The following MKLN1 variants were observed in gnomAD, a reference collection of about 807,000 sequenced individuals.
The protein encoded by MKLN1 is muskelin.
A neutral mutation model predicts 99.0 loss-of-function variants in MKLN1; 18 were observed. The ratio of observed to expected loss-of-function variants is 0.18; its 90% CI spans 0.13 to 0.27. The LOEUF is 0.27. MKLN1 is among the 10% of genes least tolerant of loss of function. The pLI, the probability that MKLN1 is intolerant of heterozygous loss-of-function variation, is 1.00. For missense variants in MKLN1, 621 were observed against 875.9 expected, an observed-to-expected ratio of 0.71 and a Z score of 3.67; for synonymous variants, 288 against 293.2, an observed-to-expected ratio of 0.98 and a Z score of 0.18.
intron 6 of MKLN1, among the ~76,000 whole-genome samples, chr7:131,401,248 T>A (rs1282833959): frequency 2.6e-5 from 4 of 152,188 alleles, no homozygotes; most frequent in Non-Finnish European, 5.9e-5. Context: ...GCTCTATTTA[T>A]TTCTGTAATA....
At position 131,466,267 on chromosome 7, in the gene MKLN1, T is replaced by G; in HGVS notation, c.1789-9T>G. On this transcript the variant is annotated splice_polypyrimidine_tract_variant and intron_variant, in intron 14 of 17. Coordinates refer to ENST00000352689, the MANE Select transcript of MKLN1 (RefSeq NM_013255.5). ...TTTTTAAAAATCTGGCTTATTTTGC[T>G]TATTATAGGTTCATTACTTATTTGG... The G allele has an allele frequency of 6.4e-7, 1 of 1,567,664 alleles. No homozygotes were observed. Among genetic ancestry groups the G allele is most frequent in the Non-Finnish European group, 8.7e-7 (1 of 1,153,302 alleles).
intron 3 of MKLN1, among the ~76,000 whole-genome samples, chr7:131,321,838 G>T (rs973058413): frequency 6.6e-6 from 1 of 152,168 alleles, no homozygotes; most frequent in Non-Finnish European, 1.5e-5. Context: ...ACAGCTCAAA[G>T]AAAGGGAAGT....
At position 131,393,772 on chromosome 7, in the gene MKLN1, A is replaced by G. The variant is rs546231526; in HGVS notation, c.401-3495A>G. ...CCCAAGTAGCCAGGACTACAGGCAC[A>G]TACTATCATGCCCAGCTGATTTTTA... On this transcript the variant is annotated intron_variant, in intron 4 of 17. Coordinates refer to ENST00000352689, the MANE Select transcript of MKLN1 (RefSeq NM_013255.5). Among the ~76,000 whole-genome samples, 296 of 152,132 alleles carry G rather than the reference A, an allele frequency of 1.9e-3. 2 individuals carry two copies. The highest frequency in any genetic ancestry group is 3.5e-3 in the Non-Finnish European group (238 of 67,976).
intron 17 of MKLN1, among the ~76,000 whole-genome samples, chr7:131,486,547 G>T (rs1211365822): frequency 6.6e-6 from 1 of 152,040 alleles, no homozygotes; most frequent in Non-Finnish European, 1.5e-5. Flanking sequence ...ACTAAAACAG[G>T]TTGGACCTAA....
At chr7:131,213,786 G>C (rs1796940893) in intron 3 of MKLN1, among the ~76,000 whole-genome samples, 1 of 152,036 alleles carries the variant, frequency 6.6e-6, no homozygotes, top group Non-Finnish European at 1.5e-5. Flanking sequence ...CCAATTTATA[G>C]GTATGAAATA....
chr7:131,379,840 T>G (rs1793787731), intron 2 of MKLN1, among the ~76,000 whole-genome samples: 1 of 152,228 alleles, frequency 6.6e-6, no homozygotes, highest in Non-Finnish European at 1.5e-5. Context: ...ACACCTACTG[T>G]GTGCCCACAA....
intron 1 of MKLN1, among the ~76,000 whole-genome samples, chr7:131,115,841 C>T (rs1319394520): frequency 6.6e-6 from 1 of 152,208 alleles, no homozygotes; most frequent in Non-Finnish European, 1.5e-5. Context: ...GAAGCCCTCC[C>T]TGACCACGCC....
chr7:131,207,825 A>T (rs1796842184), intron 3 of MKLN1, among the ~76,000 whole-genome samples: 1 of 152,258 alleles, frequency 6.6e-6, no homozygotes, highest in Non-Finnish European at 1.5e-5. Context: ...CCTGGAGAAC[A>T]GCCTGATGAA....
chr7:131,346,930 T>G (rs890492297), intron 1 of MKLN1, among the ~76,000 whole-genome samples: 1 of 152,210 alleles, frequency 6.6e-6, no homozygotes, highest in Non-Finnish European at 1.5e-5. Context: ...AGGAAAATAT[T>G]AATGAAAAAT....
In MKLN1 at chr7:131,491,031, G is replaced by T. The variant is rs2116724783; in HGVS notation, c.*3303G>T. 6.6e-6 allele frequency: 1 copy of T among 152,188 alleles called. No individual in the cohort carries two copies. Among genetic ancestry groups the T allele is most frequent in the South Asian group, 2.1e-4 (1 of 4,822 alleles). The allele number at this position is 152,188 out of a possible 1,614,324, so 9.4% of individuals were successfully genotyped here. ...CTCAATTTCATGGTAATTACATGAAGAAGTTACCTGCAATTATTCTTAACA... is the reference window on the plus strand; with the variant it reads ...CTCAATTTCATGGTAATTACATGAATAAGTTACCTGCAATTATTCTTAACA... On this transcript the variant is annotated 3_prime_UTR_variant, in exon 18 of 18. Coordinates refer to ENST00000352689, the MANE Select transcript of MKLN1 (RefSeq NM_013255.5).
chr7:131,387,387 C>A (rs1794065444), intron 3 of MKLN1, 125 bp downstream of exon 3: 1 of 771,130 alleles, frequency 1.3e-6, no homozygotes, highest in Non-Finnish European at 1.9e-6. Context: ...TCTATTCTAT[C>A]CCTAATGCCT....
intron 2 of MKLN1, among the ~76,000 whole-genome samples, chr7:131,176,838 G>A (rs1796306404): frequency 6.6e-6 from 1 of 152,180 alleles, no homozygotes; most frequent in Admixed American, 6.5e-5. Flanking sequence ...TAACCTTCTA[G>A]CCTGCTGTTG....
intron 2 of MKLN1, among the ~76,000 whole-genome samples, chr7:131,169,723 A>G (rs1422904933): frequency 6.6e-6 from 1 of 152,230 alleles, no homozygotes; most frequent in Non-Finnish European, 1.5e-5. Flanking sequence ...AGGATTTTAG[A>G]GAAAATTTTT....
chr7:131,409,509 C>T (rs1007588637), intron 6 of MKLN1, among the ~76,000 whole-genome samples: 1 of 152,086 alleles, frequency 6.6e-6, no homozygotes, highest in Non-Finnish European at 1.5e-5. Flanking sequence ...ATTTGGTGAG[C>T]GTGCCTGTAG....
rs1190826783 is a variant in MKLN1 at position 131,158,811 on chromosome 7, A to G, written c.-297+15870A>G. Among the ~76,000 whole-genome samples the G allele has an allele frequency of 2.0e-5, 3 of 152,268 alleles. No homozygotes were observed. The South Asian group carries it at 6.2e-4, about 32-fold the overall frequency. ...CCAGTGCCATTGGCCAGAATTGCCA[A>G]CCATTTGTTCATTCACTCAGAAAGT... On this transcript the variant is annotated intron_variant, in intron 2 of 7. Coordinates refer to the MKLN1 transcript ENST00000416992.
At chr7:131,221,188 G>T (rs1267351860) in intron 3 of MKLN1, among the ~76,000 whole-genome samples, 1 of 151,646 alleles carries the variant, frequency 6.6e-6, no homozygotes, top group Non-Finnish European at 1.5e-5. Flanking sequence ...TGCAACACTT[G>T]GTGACAGTAC....
At chr7:131,279,637 A>G (rs1194065923) in intron 3 of MKLN1, among the ~76,000 whole-genome samples, 2 of 152,106 alleles carry the variant, frequency 1.3e-5, no homozygotes, top group East Asian at 1.9e-4. Flanking sequence ...GAGAAACCCA[A>G]TCTTTACAAA....
In MKLN1 at chr7:131,492,018, T is replaced by C. The variant is rs1274271709; in HGVS notation, c.*4290T>C. 2 of 152,198 alleles carry C rather than the reference T, an allele frequency of 1.3e-5. No individual in the cohort carries two copies. Among genetic ancestry groups the C allele is most frequent in the African/African-American group, 4.8e-5 (2 of 41,448 alleles). The allele number at this position is 152,198 out of a possible 1,614,324, so 9.4% of individuals were successfully genotyped here. On this transcript the variant is annotated 3_prime_UTR_variant, in exon 18 of 18. Coordinates refer to ENST00000352689, the MANE Select transcript of MKLN1 (RefSeq NM_013255.5). ...ATAAGAAATTAATAACATTCAGATA[T>C]TGCTATAAATGTACTTGAGTCATTT...
At chr7:131,448,920 A>G (rs1462486207) in intron 12 of MKLN1, among the ~76,000 whole-genome samples, 2 of 152,096 alleles carry the variant, frequency 1.3e-5, no homozygotes, top group Non-Finnish European at 2.9e-5. Context: ...TGTAGGCCCA[A>G]GATTATTTTA....
Sources: gnomAD v4.1 joint callset for allele counts (sites outside exome capture counted in the v4.1 genomes callset) on GRCh38, gnomAD v4.1.1 for gene constraint, MANE v1.5 for transcripts, NCBI Gene and HGNC (gene_info 2026-07-23, HGNC 2026-07-21) for gene names.